Variants in ERICH1 observed in about 807,000 individuals in gnomAD.
ERICH1 encodes glutamate-rich protein 1.
In ERICH1, 56 loss-of-function variants were observed where a neutral mutation model predicts 39.6. The ratio of observed to expected loss-of-function variants is 1.41; its 90% CI spans 1.14 to 1.77. ERICH1 has a LOEUF of 1.77. ERICH1 is among the 40% of genes most tolerant of loss of function. The pLI is 0.00. For synonymous variants in ERICH1, 313 were observed against 223.6 expected (o/e 1.40, Z -3.57); for missense variants, 826 against 575.4 (o/e 1.44, Z -4.45).
intron 3 of ERICH1, among the ~76,000 whole-genome samples, chr8:621,762 A>G (rs1797295885): frequency 6.6e-6 from 1 of 152,226 alleles, no homozygotes; most frequent in South Asian, 2.1e-4. Context: ...AGGACATCTT[A>G]TAAAATAATG....
intron 3 of ERICH1, among the ~76,000 whole-genome samples, chr8:640,116 G>T (rs1563178257): frequency 6.6e-6 from 1 of 152,176 alleles, no homozygotes; most frequent in South Asian, 2.1e-4. Flanking sequence ...TGAAATACTT[G>T]CCTGAGACAT....
intron 3 of ERICH1, among the ~76,000 whole-genome samples, chr8:633,681 TG>T (rs1441697404): frequency 2.0e-5 from 3 of 152,176 alleles, no homozygotes; most frequent in Admixed American, 2.0e-4. Context: ...GATATAAAGG[TG>T]GTGTATGGAC....
intron 3 of ERICH1, among the ~76,000 whole-genome samples, chr8:642,895 G>A (rs1306546202): frequency 1.3e-5 from 2 of 152,158 alleles, no homozygotes; most frequent in Non-Finnish European, 2.9e-5. Context: ...GTAACCAACA[G>A]GAATCCCTCA....
intron 1 of ERICH1, among the ~76,000 whole-genome samples, chr8:727,285 A>G (rs1818991319): frequency 6.6e-6 from 1 of 152,180 alleles, no homozygotes; most frequent in East Asian, 1.9e-4. Context: ...ACCCACACCT[A>G]CACACAGACA....
At chr8:637,186 A>G (rs1467744546) in intron 3 of ERICH1, among the ~76,000 whole-genome samples, 1 of 152,194 alleles carries the variant, frequency 6.6e-6, no homozygotes, top group Non-Finnish European at 1.5e-5. Context: ...GCCCTGCTGG[A>G]AACAGGCTGG....
chr8:727,029 CAT>C (rs1397081605), intron 1 of ERICH1, among the ~76,000 whole-genome samples: 4 of 150,812 alleles, frequency 2.7e-5, no homozygotes, highest in East Asian at 2.0e-4. Flanking sequence ...CATGCACACA[CAT>C]ACACCACTCA....
chr8:673,344 C>G lies in ERICH1; in HGVS notation c.1008G>C (p.Lys336Asn), dbSNP rs766469339. The change falls in exon 4 of 6, where the codon AAG (lysine) becomes AAC (asparagine). Residue 336 changes from lysine to asparagine, a missense_variant. By Grantham distance (94) the Lys-to-Asn change is moderately conservative (BLOSUM62 0). Transcript: ENST00000262109. ...SEEDDTITNEKAHSILNFLKS... is the reference protein window; with the variant it reads ...SEEDDTITNENAHSILNFLKS... ...TCAAAAAATTTAGAATACTGTGTGC[C>G]TTTTCATTGGTAATTGTATCATCTT... 1.2e-6 allele frequency: 2 copies of G among 1,613,768 alleles called. No homozygotes were observed. The highest frequency in any genetic ancestry group is 1.7e-6 in the Non-Finnish European group (2 of 1,179,866).
chr8:664,372 T>G lies in ERICH1; in HGVS notation c.*231A>C. ...AGTAGAGAAACAGAATCAAGTTTTA[T>G]GTAGTAATTCAAGATATATATAATT... On this transcript the variant is annotated 3_prime_UTR_variant, in exon 6 of 6. Coordinates refer to ENST00000262109, the MANE Select transcript of ERICH1 (RefSeq NM_207332.3). 8.6e-7 allele frequency: 1 copy of G among 1,167,830 alleles called. No individual in the cohort carries two copies. Among genetic ancestry groups the G allele is most frequent in the African/African-American group, 1.6e-5 (1 of 63,332 alleles). 72.3% of individuals were successfully genotyped at this position (1,167,830 alleles called of 1,614,324 possible). A position where few individuals can be genotyped will look rare whatever the true frequency, so the allele number is the denominator to read the frequency against.
chr8:678,532 C>T (rs1805372401), intron 3 of ERICH1, among the ~76,000 whole-genome samples: 2 of 152,184 alleles, frequency 1.3e-5, no homozygotes, highest in South Asian at 4.1e-4. Context: ...ATAGGTTCAC[C>T]TGTGACTTTT....
At chr8:688,122 G>T (rs1406641165) in intron 3 of ERICH1, among the ~76,000 whole-genome samples, 6 of 152,226 alleles carry the variant, frequency 3.9e-5, no homozygotes, top group Non-Finnish European at 7.4e-5. Context: ...GACAGGAGAG[G>T]AGGGAGGGTC....
At position 648,612 on chromosome 8, in the gene ERICH1, C is replaced by T. The variant is rs1466706505; in HGVS notation, c.976+19986G>A. Among the ~76,000 whole-genome samples the T allele has an allele frequency of 2.6e-4, 18 of 68,096 alleles. 7 individuals carry two copies. The highest frequency in any genetic ancestry group is 9.1e-4 in the East Asian group (3 of 3,308). 44.7% of individuals were successfully genotyped at this position (68,096 alleles called of 152,430 possible). ...CCGCTGGTTCTACTCTTCACTCCAG[C>T]GTGCACTATGTGTGAACACGGGGCT... On this transcript the variant is annotated intron_variant, in intron 3 of 3. Coordinates refer to the ERICH1 transcript ENST00000522706.
At chr8:693,474 G>A (rs2132079854) in intron 2 of ERICH1, among the ~76,000 whole-genome samples, 1 of 152,388 alleles carries the variant, frequency 6.6e-6, no homozygotes, top group African/African-American at 2.4e-5. Flanking sequence ...CAATGGCCAT[G>A]TGGAGCTGAC....
At chr8:661,771 C>A (rs548804075), downstream of ERICH1, among the ~76,000 whole-genome samples, 2 of 152,260 alleles carry the variant, frequency 1.3e-5, no homozygotes, top group Non-Finnish European at 2.9e-5. Flanking sequence ...AGCATCCCAC[C>A]TGCTCGACTG....
intron 3 of ERICH1, among the ~76,000 whole-genome samples, chr8:623,141 T>C (rs1428009018): frequency 1.3e-5 from 2 of 152,080 alleles, no homozygotes; most frequent in Non-Finnish European, 2.9e-5. Flanking sequence ...ATATTCCTTA[T>C]GAATATAGAC....
At chr8:626,052 C>A (rs1241768242) in intron 3 of ERICH1, 1 of 152,246 alleles carries the variant, frequency 6.6e-6, no homozygotes, top group African/African-American at 2.4e-5. Context: ...TTCTTCTACA[C>A]ATATAAATCT....
intron 3 of ERICH1, among the ~76,000 whole-genome samples, chr8:622,591 G>A (rs1266768130): frequency 6.6e-6 from 1 of 152,142 alleles, no homozygotes; most frequent in African/African-American, 2.4e-5. Context: ...GAGGTATTTT[G>A]ATATCACAGT....
intron 3 of ERICH1, chr8:615,590 A>G (rs1796862733): frequency 3.3e-6 from 1 of 300,112 alleles, no homozygotes; most frequent in Non-Finnish European, 6.1e-6. Context: ...GGCAAATGCT[A>G]TGAACTATCC....
intron 3 of ERICH1, chr8:626,001 A>C (rs575764903): frequency 1.3e-5 from 2 of 152,188 alleles, no homozygotes; most frequent in Admixed American, 1.3e-4. Context: ...TTCCATTTTC[A>C]TCCATTCTAC....
Position 731,185 on chromosome 8 carries a change from G to T in ERICH1, c.-24C>A. On this transcript the variant is annotated 5_prime_UTR_variant, in exon 1 of 6. The change creates a new upstream start codon in the 5' untranslated region. Coordinates refer to ENST00000262109, the MANE Select transcript of ERICH1 (RefSeq NM_207332.3). ...ATGCGGGACCCTGCCGCGGACCTCA[G>T]ACCACGGCGCGCGGTCCTGAGCTGA... 1 of 1,497,462 alleles carries T rather than the reference G, an allele frequency of 6.7e-7. No individual in the cohort carries two copies. Among genetic ancestry groups the T allele is most frequent in the Non-Finnish European group, 8.9e-7 (1 of 1,125,852 alleles). 92.8% of individuals were successfully genotyped at this position (1,497,462 alleles called of 1,614,324 possible).
Sources: allele counts gnomAD v4.1 joint callset (sites outside exome capture counted in the v4.1 genomes callset), GRCh38; gene constraint gnomAD v4.1.1; transcripts MANE v1.5; gene names NCBI Gene and HGNC (gene_info 2026-07-23, HGNC 2026-07-21).